TRIM24: variants seen among roughly 807,000 people sequenced by gnomAD.
The protein encoded by TRIM24 is transcription intermediary factor 1-alpha.
In TRIM24, 29 loss-of-function variants were observed where a neutral mutation model predicts 123.9. The ratio of observed to expected loss-of-function variants is 0.23; its 90% CI spans 0.17 to 0.32. The LOEUF is 0.32. TRIM24 is among the 10% of genes least tolerant of loss of function. TRIM24 has a pLI of 1.00. For synonymous variants in TRIM24, 456 were observed against 461.1 expected, an observed-to-expected ratio of 0.99 and a Z score of 0.14; for missense variants, 932 against 1,295.3, an observed-to-expected ratio of 0.72 and a Z score of 4.31.
At chr7:138,508,048 A>G (rs1453351865) in intron 2 of TRIM24, among the ~76,000 whole-genome samples, 2 of 152,138 alleles carry the variant, frequency 1.3e-5, no homozygotes, top group African/African-American at 2.4e-5. Context: ...GTTTGTTTCT[A>G]TAAGGATCCA....
intron 9 of TRIM24, among the ~76,000 whole-genome samples, chr7:138,558,619 C>G (rs1413136305): frequency 6.6e-6 from 1 of 152,170 alleles, no homozygotes; most frequent in East Asian, 1.9e-4. Context: ...TGGATGTGCT[C>G]ATAGAATGAC....
chr7:138,580,048 A>G (rs113682745), intron 15 of TRIM24, among the ~76,000 whole-genome samples: 28 of 152,328 alleles, frequency 1.8e-4, no homozygotes, highest in African/African-American at 6.5e-4. Context: ...CAGGCATCGA[A>G]CTGTATCTTT....
At chr7:138,487,388 G>A (rs1166335110) in intron 1 of TRIM24, among the ~76,000 whole-genome samples, 1 of 152,166 alleles carries the variant, frequency 6.6e-6, no homozygotes, top group East Asian at 1.9e-4. Flanking sequence ...GAACAGGAGT[G>A]GTGAGAGAGG....
intron 1 of TRIM24, among the ~76,000 whole-genome samples, chr7:138,498,418 T>C (rs1795963503): frequency 6.6e-6 from 1 of 151,852 alleles, no homozygotes; most frequent in East Asian, 1.9e-4. Flanking sequence ...AGAGACAGGG[T>C]TTCACCATGT....
chr7:138,521,461 T>C, intron 4 of TRIM24, among the ~76,000 whole-genome samples: 1 of 152,078 alleles, frequency 6.6e-6, no homozygotes, highest in East Asian at 1.9e-4. Flanking sequence ...GAATAATAAG[T>C]ACATATAATT....
intron 1 of TRIM24, among the ~76,000 whole-genome samples, chr7:138,500,842 G>A (rs962511046): frequency 6.6e-6 from 1 of 152,096 alleles, no homozygotes; most frequent in Non-Finnish European, 1.5e-5. Context: ...GGTACAGCCT[G>A]TTGCTCCTAG....
At chr7:138,547,293 TAGG>T (rs1563055578) in intron 7 of TRIM24, among the ~76,000 whole-genome samples, 1 of 152,174 alleles carries the variant, frequency 6.6e-6, no homozygotes, top group Non-Finnish European at 1.5e-5. Context: ...TTCAATTAGA[TAGG>T]AGGAATAAGT....
At position 138,586,438 on chromosome 7, in the gene TRIM24, G is replaced by A. The variant is rs1563071462; in HGVS notation, c.*1487G>A. 6.5e-6 allele frequency: 1 copy of A among 153,122 alleles called. No homozygotes were observed. The highest frequency in any genetic ancestry group is 1.5e-5 in the Non-Finnish European group (1 of 68,684). 9.5% of individuals were successfully genotyped at this position (153,122 alleles called of 1,614,324 possible). On this transcript the variant is annotated 3_prime_UTR_variant, in exon 19 of 19. Coordinates refer to ENST00000343526, the MANE Select transcript of TRIM24 (RefSeq NM_015905.3). Reference sequence around the variant, plus strand: ...TACTTCTTAAAGTGGAAAATATCCTGTGGCTAATTCATTGGGTTTTCAGGT... The same window carrying A: ...TACTTCTTAAAGTGGAAAATATCCTATGGCTAATTCATTGGGTTTTCAGGT...
At position 138,515,367 on chromosome 7, in the gene TRIM24, A is replaced by G; in HGVS notation, c.631+8A>G. 1 of 1,612,212 alleles carries G rather than the reference A, an allele frequency of 6.2e-7. No homozygotes were observed. Among genetic ancestry groups the G allele is most frequent in the Non-Finnish European group, 8.5e-7 (1 of 1,178,848 alleles). On this transcript the variant is annotated splice_region_variant and intron_variant, in intron 3 of 18. Coordinates refer to ENST00000343526, the MANE Select transcript of TRIM24 (RefSeq NM_015905.3). The stretch of plus-strand genomic sequence containing the variant: ...AAGAGGAAGTATCTCCAGGTAATAA[A>G]TGAGATCTTTGCATTTTTTTCCTTC...
Position 138,567,420 on chromosome 7 carries a change from A to G in TRIM24, c.1531-61A>G. The G allele has an allele frequency of 2.7e-6, 4 of 1,472,432 alleles. No homozygotes were observed. In the East Asian group the frequency reaches 9.4e-5, roughly 35 times the overall value. 91.2% of individuals were successfully genotyped at this position (1,472,432 alleles called of 1,614,324 possible). ...TCTGTAAAAGTTTTATAAGATAGAG[A>G]TTTATAATTTGTTTTTCAGAAGAAG... On this transcript the variant is annotated intron_variant, in intron 9 of 18. Coordinates refer to ENST00000343526, the MANE Select transcript of TRIM24 (RefSeq NM_015905.3).
rs767523962 is a variant in TRIM24 at position 138,460,815 on chromosome 7, C to T, written c.267C>T (p.Leu89=). 3.4e-5 allele frequency: 54 copies of T among 1,580,964 alleles called. No individual in the cohort carries two copies. Among genetic ancestry groups the T allele is most frequent in the Non-Finnish European group, 4.5e-5 (52 of 1,168,286 alleles). ...QRCLPAPQRY[L]MLPAPMLGSA... ...GCCTGCCCGCGCCCCAGCGCTACCT[C>T]ATGCTGCCCGCGCCCATGCTGGGCT... Residue 89 remains leucine (L), a synonymous_variant, in exon 1 of 19, where the codon CTC becomes CTT. Coordinates refer to ENST00000343526, the MANE Select transcript of TRIM24 (RefSeq NM_015905.3).
chr7:138,566,518 CAG>C (rs1192224095), intron 9 of TRIM24, among the ~76,000 whole-genome samples: 1 of 151,954 alleles, frequency 6.6e-6, no homozygotes, highest in Non-Finnish European at 1.5e-5. Context: ...AAACAAAAAA[CAG>C]AAAATGTTTT....
intron 7 of TRIM24, among the ~76,000 whole-genome samples, chr7:138,545,680 A>G (rs1302438235): frequency 1.3e-5 from 2 of 152,160 alleles, no homozygotes; most frequent in Non-Finnish European, 2.9e-5. Flanking sequence ...TTCCTTCCAG[A>G]TCTTGGTTTC....
rs1391257737 is a variant in TRIM24 at position 138,573,512 on chromosome 7, C to T, written c.1884C>T (p.Asp628=). The change falls in exon 12 of 19, where the codon GAC becomes GAT. Residue 628 remains aspartate (D), a synonymous_variant. Coordinates refer to ENST00000343526, the MANE Select transcript of TRIM24 (RefSeq NM_015905.3). ...ATAATTTCTTTTCTTGTAAGATTGA[C>T]TGTTCAAGTACTATTATGCTGGACA... The part of the protein sequence containing the change: ...SYNLPSLPDI[D]CSSTIMLDNI... 5 of 1,563,818 alleles carry T rather than the reference C, an allele frequency of 3.2e-6. No homozygotes were observed. The African/African-American group carries it at 6.9e-5, about 21-fold the overall frequency.
intron 4 of TRIM24, among the ~76,000 whole-genome samples, chr7:138,520,489 T>A (rs1174021867): frequency 6.6e-6 from 1 of 152,148 alleles, no homozygotes; most frequent in Non-Finnish European, 1.5e-5. Context: ...TAACCAGGTT[T>A]GTTAGGAGAT....
chr7:138,463,051 T>TTG (rs1554429469), intron 1 of TRIM24, among the ~76,000 whole-genome samples: 5 of 124,760 alleles, frequency 4.0e-5, no homozygotes, highest in African/African-American at 1.2e-4. Context: ...GTGTTTTTTT[T>TTG]TTTTTTTTTT....
rs755178910 is a variant in TRIM24 at position 138,567,437 on chromosome 7, CAGA to C, written c.1531-37_1531-35del. ...AGATAGAGATTTATAATTTGTTTTT[CAGA>C]AGAAGATTGTTACTAAATTGGTTTA... is the stretch of plus-strand genomic sequence containing the variant. On this transcript the variant is annotated intron_variant, in intron 9 of 18. Coordinates refer to ENST00000343526, the MANE Select transcript of TRIM24 (RefSeq NM_015905.3). The C allele has an allele frequency of 3.9e-6, 6 of 1,529,032 alleles. No homozygotes were observed. The Admixed American group carries it at 6.2e-5, about 16-fold the overall frequency. 94.7% of individuals were successfully genotyped at this position (1,529,032 alleles called of 1,614,324 possible).
Position 138,589,329 on chromosome 7 carries a change from A to G in TRIM24, c.*4378A>G, listed in dbSNP as rs1420223763. 6.6e-6 allele frequency: 1 copy of G among 152,128 alleles called. No homozygotes were observed. The highest frequency in any genetic ancestry group is 6.6e-5 in the Admixed American group (1 of 15,254). The allele number at this position is 152,128 out of a possible 1,614,324, so 9.4% of individuals were successfully genotyped here. The stretch of plus-strand genomic sequence containing the variant: ...CTTCGTCTTTAATTTTTGGGGGCAG[A>G]TTGGTGCTTTGGTTTTAATAAAAAC... On this transcript the variant is annotated 3_prime_UTR_variant, in exon 19 of 19. Transcript: ENST00000343526.
intron 1 of TRIM24, among the ~76,000 whole-genome samples, chr7:138,487,914 G>A (rs1795684790): frequency 6.6e-6 from 1 of 152,156 alleles, no homozygotes; most frequent in Admixed American, 6.6e-5. Context: ...GTTTCAAAAG[G>A]AATGGTACCA....
Sources: gnomAD v4.1 joint callset for allele counts (sites outside exome capture counted in the v4.1 genomes callset) on GRCh38, gnomAD v4.1.1 for gene constraint, MANE v1.5 for transcripts, NCBI Gene and HGNC (gene_info 2026-07-23, HGNC 2026-07-21) for gene names.